PLEKHM3: variants seen among roughly 807,000 people sequenced by gnomAD.
The protein encoded by PLEKHM3 is pleckstrin homology domain containing M3.
In PLEKHM3, 45 loss-of-function variants were observed where a neutral mutation model predicts 81.8. That is an observed-to-expected ratio of 0.55 (90% confidence interval 0.43 to 0.71). The LOEUF is 0.71. Ranked by LOEUF, PLEKHM3 falls within the 30% of genes least tolerant of loss-of-function variation. The pLI, the probability that PLEKHM3 is intolerant of heterozygous loss-of-function variation, is 0.00. For missense variants in PLEKHM3, 788 were observed against 924.3 expected, an observed-to-expected ratio of 0.85 and a Z score of 1.91; for synonymous variants, 352 against 356.4, an observed-to-expected ratio of 0.99 and a Z score of 0.14.
chr2:207,841,223 T>C (rs889713396), intron 7 of PLEKHM3, among the ~76,000 whole-genome samples: 1 of 150,994 alleles, frequency 6.6e-6, no homozygotes, highest in Non-Finnish European at 1.5e-5. Flanking sequence ...TCCCAGCCCT[T>C]TGGGAGGCCG....
chr2:207,964,747 C>G (rs1002781961), intron 3 of PLEKHM3, among the ~76,000 whole-genome samples: 2 of 152,128 alleles, frequency 1.3e-5, no homozygotes, highest in Non-Finnish European at 2.9e-5. Flanking sequence ...GAGGGAGTTT[C>G]ACGCTCTTTG....
At position 207,958,930 on chromosome 2, in the gene PLEKHM3, A is replaced by ATAC. The variant is rs531567837; in HGVS notation, c.1547-12419_1547-12418insGTA. On this transcript the variant is annotated intron_variant, in intron 3 of 7. Coordinates refer to ENST00000427836, the MANE Select transcript of PLEKHM3 (RefSeq NM_001080475.3). ...CTCCATCTCAAAAATAATAATAATA[A>ATAC]TAATAAAATAAAATAAACTATCTTA... Among the ~76,000 whole-genome samples the ATAC allele has an allele frequency of 1.4e-4, 22 of 152,084 alleles. No individual in the cohort carries two copies. The South Asian group carries it at 4.4e-3, about 30-fold the overall frequency.
intron 3 of PLEKHM3, among the ~76,000 whole-genome samples, chr2:207,948,143 A>G (rs1329669163): frequency 1.3e-5 from 2 of 152,316 alleles, no homozygotes; most frequent in East Asian, 3.9e-4. Context: ...AAATGTGTGA[A>G]AGATGAGTTA....
chr2:207,960,913 G>C (rs893422442), intron 3 of PLEKHM3, among the ~76,000 whole-genome samples: 4 of 152,092 alleles, frequency 2.6e-5, no homozygotes, highest in African/African-American at 9.7e-5. Context: ...TAGTTTCTGG[G>C]GGAAAAAATT....
intron 6 of PLEKHM3, among the ~76,000 whole-genome samples, chr2:207,891,307 G>A (rs551543435): frequency 6.6e-6 from 1 of 152,292 alleles, no homozygotes; most frequent in African/African-American, 2.4e-5. Context: ...AGCCCTCATG[G>A]GGCATTCACT....
intron 7 of PLEKHM3, among the ~76,000 whole-genome samples, chr2:207,853,276 G>A (rs1339400721): frequency 1.3e-5 from 2 of 152,036 alleles, no homozygotes; most frequent in Non-Finnish European, 1.5e-5. Flanking sequence ...AATTAGCCGA[G>A]TGTCTTGGCA....
At chr2:207,844,708 C>T (rs1285177745) in intron 7 of PLEKHM3, among the ~76,000 whole-genome samples, 1 of 152,308 alleles carries the variant, frequency 6.6e-6, no homozygotes, top group East Asian at 1.9e-4. Context: ...ATCCCAACTA[C>T]ACATCAACCA....
chr2:207,831,699 G>A (rs1426199126), intron 7 of PLEKHM3, among the ~76,000 whole-genome samples: 3 of 152,182 alleles, frequency 2.0e-5, no homozygotes, highest in African/African-American at 7.2e-5. Flanking sequence ...TCCTGGACAT[G>A]GCAGGGTCAC....
intron 6 of PLEKHM3, among the ~76,000 whole-genome samples, chr2:207,876,809 C>T (rs563715578): frequency 6.6e-6 from 1 of 152,332 alleles, no homozygotes; most frequent in African/African-American, 2.4e-5. Flanking sequence ...GTCTGCTCCG[C>T]CAGGGCTTTT....
rs1467462921 is a variant in PLEKHM3 at position 207,977,448 on chromosome 2, T to C, written c.749A>G (p.Asn250Ser). The C allele has an allele frequency of 7.4e-6, 12 of 1,614,102 alleles. No homozygotes were observed. Among genetic ancestry groups the C allele is most frequent in the South Asian group, 3.3e-5 (3 of 91,088 alleles). ...CTGGTACGTGGCATAAAGGTTTTGA[T>C]TCCCACTGCTGTCGAGGCTGTAGAA... ...LYFYSLDSSGNQNLYATYQLS... is the reference protein window; with the variant it reads ...LYFYSLDSSGSQNLYATYQLS... Residue 250 changes from asparagine (N) to serine (S), a missense_variant, in exon 3 of 8, where the codon AAT becomes AGT. Physicochemically the swap from Asn to Ser is conservative, Grantham distance 46 (BLOSUM62 1). Coordinates refer to ENST00000427836, the MANE Select transcript of PLEKHM3 (RefSeq NM_001080475.3).
intron 3 of PLEKHM3, among the ~76,000 whole-genome samples, chr2:207,975,857 G>A (rs956336299): frequency 2.3e-4 from 34 of 150,092 alleles, no homozygotes; most frequent in Admixed American, 1.3e-3. Flanking sequence ...TTGGCCTCCC[G>A]AAGTGCTGGG....
chr2:207,847,896 G>C (rs550629683), intron 7 of PLEKHM3, among the ~76,000 whole-genome samples: 9 of 152,274 alleles, frequency 5.9e-5, no homozygotes, highest in South Asian at 2.1e-4. Flanking sequence ...CCTGAAGACC[G>C]GCCTAGCCAA....
At chr2:207,877,685 ATAAGG>A (rs2092565992) in intron 6 of PLEKHM3, among the ~76,000 whole-genome samples, 2 of 152,234 alleles carry the variant, frequency 1.3e-5, no homozygotes, top group African/African-American at 4.8e-5. Context: ...TATAACACAT[ATAAGG>A]TAAAGTGCAT....
chr2:207,894,322 C>T (rs756218592), intron 6 of PLEKHM3, among the ~76,000 whole-genome samples: 5 of 152,126 alleles, frequency 3.3e-5, no homozygotes, highest in Non-Finnish European at 7.3e-5. Flanking sequence ...TGAAACTGAC[C>T]TGTAAATAAT....
At position 208,018,101 on chromosome 2, in the gene PLEKHM3, G is replaced by A. The variant is rs937878975; in HGVS notation, c.-319+7288C>T. 2.6e-5 allele frequency among the ~76,000 whole-genome samples: 4 copies of A among 152,038 alleles called. 1 individual carries two copies. The highest frequency in any genetic ancestry group is 9.7e-5 in the African/African-American group (4 of 41,408). Reference sequence around the variant, plus strand: ...GAAACATATTACTCTCCGGCTGGGCGCAGTGGTTCACGCCTGTAATCCCAG... The same window carrying A: ...GAAACATATTACTCTCCGGCTGGGCACAGTGGTTCACGCCTGTAATCCCAG... On this transcript the variant is annotated intron_variant, in intron 1 of 7. Coordinates refer to ENST00000427836, the MANE Select transcript of PLEKHM3 (RefSeq NM_001080475.3).
chr2:207,987,011 A>G (rs1691747335), intron 2 of PLEKHM3, among the ~76,000 whole-genome samples: 1 of 152,086 alleles, frequency 6.6e-6, no homozygotes, highest in East Asian at 1.9e-4. Flanking sequence ...CTCAAGATAA[A>G]AGAAAAGAAG....
rs149121665 is a variant in PLEKHM3, at chr2:207,897,220, C to T, written c.1950+11294G>A. 3.1e-4 allele frequency among the ~76,000 whole-genome samples: 47 copies of T among 152,266 alleles called. 1 individual carries two copies. In the East Asian group the frequency reaches 8.5e-3, roughly 28 times the overall value. ...TGCAGCTATAGCAGGTTTCTATGGC[C>T]TAGATTCCCCTACGGAACATGAGGG... is the stretch of plus-strand genomic sequence containing the variant. On this transcript the variant is annotated intron_variant, in intron 6 of 7. Transcript: ENST00000427836.
intron 3 of PLEKHM3, among the ~76,000 whole-genome samples, chr2:207,975,969 T>A (rs1343688394): frequency 6.6e-6 from 1 of 150,726 alleles, no homozygotes; most frequent in African/African-American, 2.4e-5. Flanking sequence ...AGAGGAAAGA[T>A]GAAGTAACAA....
At chr2:208,008,675 C>G (rs1469779269) in intron 1 of PLEKHM3, among the ~76,000 whole-genome samples, 1 of 152,222 alleles carries the variant, frequency 6.6e-6, no homozygotes, top group South Asian at 2.1e-4. Context: ...CCTTAAATTC[C>G]TTGTGCTGTT....
Sources: allele counts gnomAD v4.1 joint callset (sites outside exome capture counted in the v4.1 genomes callset), GRCh38; gene constraint gnomAD v4.1.1; transcripts MANE v1.5; gene names NCBI Gene and HGNC (gene_info 2026-07-23, HGNC 2026-07-21).